ZNF675: variants seen among roughly 807,000 people sequenced by gnomAD.
ZNF675 encodes TRAF6 inhibitory zinc finger.
A neutral mutation model predicts 56.1 loss-of-function variants in ZNF675; 36 were observed. The observed-to-expected ratio is 0.64, with a 90% confidence interval of 0.49 to 0.85. The LOEUF is 0.85. Among genes scored for constraint, ZNF675 ranks in the 40% least tolerant of loss-of-function variants. The pLI, the probability that ZNF675 is intolerant of heterozygous loss-of-function variation, is 0.00. For missense variants in ZNF675, 663 were observed against 654.2 expected, an observed-to-expected ratio of 1.01 and a Z score of -0.15; for synonymous variants, 200 against 218.9, an observed-to-expected ratio of 0.91 and a Z score of 0.76.
chr19:23,665,778 C>T (rs1203131497), intron 1 of ZNF675, among the ~76,000 whole-genome samples: 2 of 152,148 alleles, frequency 1.3e-5, no homozygotes. Context: ...GGATTAAAGG[C>T]ATGAGCCATG....
chr19:23,658,969 A>ATC (rs1568289318), intron 3 of ZNF675, among the ~76,000 whole-genome samples: 12 of 145,662 alleles, frequency 8.2e-5, no homozygotes, highest in African/African-American at 2.3e-4. Context: ...CTATAGATAG[A>ATC]TATAGATCTA....
At chr19:23,680,962 A>G (rs1231332695) in intron 1 of ZNF675, among the ~76,000 whole-genome samples, 1 of 151,702 alleles carries the variant, frequency 6.6e-6, no homozygotes, top group Non-Finnish European at 1.5e-5. Context: ...AATTTTACCT[A>G]TAAAACAAAC....
At chr19:23,667,511 T>A (rs980632162) in intron 1 of ZNF675, among the ~76,000 whole-genome samples, 1 of 151,976 alleles carries the variant, frequency 6.6e-6, no homozygotes, top group Non-Finnish European at 1.5e-5. Context: ...ACACAAAGGT[T>A]CTCCACGTCC....
Position 23,653,459 on chromosome 19 carries a change from A to C in ZNF675, c.1474T>G (p.Ser492Ala). Reference sequence around the variant, plus strand: ...CTTTTATGTGTAGTAAGGGATGAGGAGTGTTTAAAAGCTTTGCCACATTCT... The same window carrying C: ...CTTTTATGTGTAGTAAGGGATGAGGCGTGTTTAAAAGCTTTGCCACATTCT... The part of the protein sequence containing the change: ...CEECGKAFKH[S>A]SSLTTHKRIH... Residue 492 changes from serine to alanine, a missense_variant, in exon 4 of 4, where the codon TCC becomes GCC. Physicochemically the swap from Ser to Ala is moderately conservative, Grantham distance 99. Coordinates refer to ENST00000359788, the MANE Select transcript of ZNF675 (RefSeq NM_138330.3). 6.2e-7 allele frequency: 1 copy of C among 1,612,868 alleles called. No individual in the cohort carries two copies. Among genetic ancestry groups the C allele is most frequent in the Non-Finnish European group, 8.5e-7 (1 of 1,179,732 alleles).
chr19:23,670,445 C>A (rs59570020), intron 1 of ZNF675, among the ~76,000 whole-genome samples: 2 of 150,854 alleles, frequency 1.3e-5, no homozygotes, highest in African/African-American at 4.9e-5. Flanking sequence ...AACCTACCCC[C>A]CAAAGGAAAG....
chr19:23,678,749 A>ATTCT (rs1804109339), intron 1 of ZNF675, among the ~76,000 whole-genome samples: 1 of 151,370 alleles, frequency 6.6e-6, no homozygotes, highest in Non-Finnish European at 1.5e-5. Flanking sequence ...ATGCAACAGA[A>ATTCT]TAGAGAGCCA....
intron 2 of ZNF675, 83 bp from the exon 3 acceptor site, chr19:23,662,292 G>A: frequency 5.3e-6 from 5 of 948,442 alleles, no homozygotes; most frequent in Non-Finnish European, 8.1e-6. Context: ...TAAAGAGAAT[G>A]TAATGGAATA....
At position 23,654,654 on chromosome 19, in the gene ZNF675, A is replaced by G. The variant is rs1241143249; in HGVS notation, c.279T>C (p.Asp93=). Residue 93 remains aspartate, a synonymous_variant, in exon 4 of 4, where the codon GAT becomes GAC. Coordinates refer to ENST00000359788, the MANE Select transcript of ZNF675 (RefSeq NM_138330.3). ...TTCTCAGTGTCACTTTTTCAAAAGAATCTTTTATGTTCTGCTCTGGCCAAA... is the reference window on the plus strand; with the variant it reads ...TTCTCAGTGTCACTTTTTCAAAAGAGTCTTTTATGTTCTGCTCTGGCCAAA... ...QEFWPEQNIK[D]SFEKVTLRRY... is the part of the protein sequence containing the mutation. 2 of 1,594,606 alleles carry G rather than the reference A, an allele frequency of 1.3e-6. No individual in the cohort carries two copies. The highest frequency in any genetic ancestry group is 2.3e-5 in the South Asian group (2 of 87,700).
At chr19:23,682,608 A>C (rs553640941) in intron 1 of ZNF675, among the ~76,000 whole-genome samples, 1 of 151,816 alleles carries the variant, frequency 6.6e-6, no homozygotes, top group Non-Finnish European at 1.5e-5. Flanking sequence ...GCAGGCTGAC[A>C]TATCTGCAGA....
intron 1 of ZNF675, 93 bp downstream of exon 1, chr19:23,686,938 A>C: frequency 6.8e-7 from 1 of 1,476,588 alleles, no homozygotes; most frequent in Non-Finnish European, 9.5e-7. Flanking sequence ...TGTGGAGCTG[A>C]CTGCGGGGAG....
intron 1 of ZNF675, among the ~76,000 whole-genome samples, chr19:23,683,560 T>C (rs1968404627): frequency 6.6e-6 from 1 of 152,090 alleles, no homozygotes; most frequent in Non-Finnish European, 1.5e-5. Context: ...TAGCTGGGAC[T>C]ACAGGCACGT....
chr19:23,670,178 G>C (rs1168642401), intron 1 of ZNF675, among the ~76,000 whole-genome samples: 1 of 152,048 alleles, frequency 6.6e-6, no homozygotes, highest in African/African-American at 2.4e-5. Flanking sequence ...TTCCCTGCTT[G>C]GCTATATCTT....
chr19:23,674,880 GA>G (rs1309480734), intron 1 of ZNF675, among the ~76,000 whole-genome samples: 3 of 151,038 alleles, frequency 2.0e-5, no homozygotes, highest in African/African-American at 7.4e-5. Flanking sequence ...GCTGAGGCAC[GA>G]GAATCACTTG....
chr19:23,687,081 T>C lies in ZNF675; in HGVS notation c.-48A>G. On this transcript the variant is annotated 5_prime_UTR_variant, in exon 1 of 4. Transcript: ENST00000359788. ...GGAGTCTTAGCTGTGGATCTCTCAATTTCTGCAGGTCACAGGCCCACAGAG... is the reference window on the plus strand; with the variant it reads ...GGAGTCTTAGCTGTGGATCTCTCAACTTCTGCAGGTCACAGGCCCACAGAG... 2 of 1,611,894 alleles carry C rather than the reference T, an allele frequency of 1.2e-6. No homozygotes were observed. The highest frequency in any genetic ancestry group is 1.7e-6 in the Non-Finnish European group (2 of 1,178,534).
At position 23,653,263 on chromosome 19, in the gene ZNF675, A is replaced by T. The variant is rs1333880666; in HGVS notation, c.1670T>A (p.Ile557Lys). 5 of 1,609,978 alleles carry T rather than the reference A, an allele frequency of 3.1e-6. No individual in the cohort carries two copies. Among genetic ancestry groups the T allele is most frequent in the Non-Finnish European group, 4.2e-6 (5 of 1,178,364 alleles). The change falls in exon 4 of 4, where the codon ATA becomes AAA. Residue 557 changes from isoleucine (I) to lysine (K), a missense_variant. Around this residue, in one of 3 missense-constraint regions of ZNF675, gnomAD observed 617 missense variants for 590.5 expected, o/e 1.04. Transcript: ENST00000359788. ...QSANLTKHKKIHTGEKLQNWN... is the reference protein window; with the variant it reads ...QSANLTKHKKKHTGEKLQNWN... ...GTTCTGTAGTTTCTCTCCAGTATGTATTTTTTTATGTTTAGTAAGGTTTGC... is the reference window on the plus strand; with the variant it reads ...GTTCTGTAGTTTCTCTCCAGTATGTTTTTTTTTATGTTTAGTAAGGTTTGC...
At chr19:23,679,615 T>C (rs1041347939) in intron 1 of ZNF675, among the ~76,000 whole-genome samples, 2 of 151,294 alleles carry the variant, frequency 1.3e-5, no homozygotes, top group African/African-American at 4.9e-5. Flanking sequence ...CAAACTATGC[T>C]TTTGACAAAG....
intron 1 of ZNF675, among the ~76,000 whole-genome samples, chr19:23,673,316 A>G (rs1228272219): frequency 6.7e-6 from 1 of 150,298 alleles, no homozygotes; most frequent in East Asian, 2.1e-4. Context: ...TACTCAATGC[A>G]CACCTGTTAC....
At chr19:23,659,845 A>G (rs996482892) in intron 3 of ZNF675, among the ~76,000 whole-genome samples, 1 of 151,324 alleles carries the variant, frequency 6.6e-6, no homozygotes, top group Non-Finnish European at 1.5e-5. Context: ...GGCCTAAGGT[A>G]AAGGACCTTA....
rs150675239 is a variant in ZNF675 at position 23,653,797 on chromosome 19, C to T, written c.1136G>A (p.Arg379Gln). ...CCTATGTTCCGTAAGATTTGAGGAT[C>T]GGTTAAAAGCTTTGCCGCATTCCTC... Reference protein sequence around the residue: ...KCEECGKAFNRSSNLTEHRKI... With the variant: ...KCEECGKAFNQSSNLTEHRKI... The change falls in exon 4 of 4, where the codon CGA (arginine) becomes CAA (glutamine). Residue 379 changes from arginine (R) to glutamine (Q), a missense_variant. Physicochemically the swap from Arg to Gln is conservative, Grantham distance 43. Around this residue, in one of 3 missense-constraint regions of ZNF675, gnomAD observed 617 missense variants for 590.5 expected, o/e 1.04. Coordinates refer to ENST00000359788, the MANE Select transcript of ZNF675 (RefSeq NM_138330.3). 16 of 1,610,016 alleles carry T rather than the reference C, an allele frequency of 9.9e-6. No homozygotes were observed. The highest frequency in any genetic ancestry group is 1.7e-5 in the Admixed American group (1 of 59,554).
Sources: gnomAD v4.1 joint callset for allele counts (sites outside exome capture counted in the v4.1 genomes callset) on GRCh38, gnomAD v4.1.1 for gene constraint, gnomAD v4.1.1 regional missense constraint, MANE v1.5 for transcripts, NCBI Gene and HGNC (gene_info 2026-07-23, HGNC 2026-07-21) for gene names.